The following TSC22D1 variants were observed in gnomAD, a reference collection of about 807,000 sequenced individuals.
The protein encoded by TSC22D1 is TSC22 domain family protein 1.
A neutral mutation model predicts 74.2 loss-of-function variants in TSC22D1; 9 were observed. That is an observed-to-expected ratio of 0.12 (90% CI 0.07 to 0.21). TSC22D1 has a LOEUF of 0.21. Among genes scored for constraint, TSC22D1 ranks in the 10% least tolerant of loss-of-function variants. The pLI is 1.00. For missense variants in TSC22D1, 1,427 were observed against 1,304.7 expected, an observed-to-expected ratio of 1.09 and a Z score of -1.44; for synonymous variants, 586 against 492.5, an observed-to-expected ratio of 1.19 and a Z score of -2.51.
chr13:44,435,012 G>A, intron 2 of TSC22D1, 129 bp from the exon 3 acceptor site: 2 of 750,022 alleles, frequency 2.7e-6, no homozygotes. Context: ...TTGGTTCAAT[G>A]ACACTTGGGG....
chr13:44,443,248 C>T (rs1344069413), intron 1 of TSC22D1, among the ~76,000 whole-genome samples: 1 of 151,734 alleles, frequency 6.6e-6, no homozygotes, highest in East Asian at 1.9e-4. Flanking sequence ...AGAATGATAG[C>T]CGACTTCTGG....
chr13:44,525,922 C>T (rs1265769223), intron 1 of TSC22D1, among the ~76,000 whole-genome samples: 3 of 151,718 alleles, frequency 2.0e-5, no homozygotes, highest in African/African-American at 7.3e-5. Flanking sequence ...GACAACATGG[C>T]AAAAACCCAT....
In TSC22D1 at chr13:44,575,383, T is replaced by C. The variant is rs556439227; in HGVS notation, c.692A>G (p.His231Arg). The change falls in exon 1 of 3, where the codon CAC becomes CGC. Residue 231 changes from histidine (H) to arginine (R), a missense_variant. Around this residue, in one of 3 missense-constraint regions of TSC22D1, gnomAD observed 1,343 missense variants for 1,191.5 expected, o/e 1.13. Coordinates refer to ENST00000458659, the MANE Select transcript of TSC22D1 (RefSeq NM_183422.4). ...HHHHQIHHGH[H>R]LQHGHHHPSH... ...TGGATGGTGGTGACCATGTTGGAGG[T>C]GGTGCCCATGATGAATCTGATGGTG... is the stretch of plus-strand genomic sequence containing the variant. The C allele has an allele frequency of 5.6e-6, 9 of 1,613,804 alleles. No individual in the cohort carries two copies. The South Asian group carries it at 7.7e-5, about 14-fold the overall frequency.
At chr13:44,506,384 A>T (rs1879449503) in intron 1 of TSC22D1, among the ~76,000 whole-genome samples, 1 of 152,212 alleles carries the variant, frequency 6.6e-6, no homozygotes, top group African/African-American at 2.4e-5. Context: ...ATGCAGGAAC[A>T]GAAAACCAAA....
chr13:44,557,572 T>C (rs1026031362), intron 1 of TSC22D1, among the ~76,000 whole-genome samples: 4 of 152,250 alleles, frequency 2.6e-5, no homozygotes, highest in African/African-American at 7.2e-5. Flanking sequence ...TCATTTTTTT[T>C]ATACTTCCCC....
intron 1 of TSC22D1, among the ~76,000 whole-genome samples, chr13:44,571,181 T>C (rs922909860): frequency 3.3e-5 from 5 of 152,222 alleles, no homozygotes; most frequent in African/African-American, 9.6e-5. Context: ...ATAATTATAA[T>C]TGAATGTGTA....
chr13:44,574,881 T>C lies in TSC22D1; in HGVS notation c.1194A>G (p.Gln398=). 1 of 1,614,210 alleles carries C rather than the reference T, an allele frequency of 6.2e-7. No individual in the cohort carries two copies. The highest frequency in any genetic ancestry group is 8.5e-7 in the Non-Finnish European group (1 of 1,180,034). Reference sequence around the variant, plus strand: ...ACCTCGAAGTGTTAACTGTTGGTTGTTGCTGCTGACTTGAAACCGATCCCC... The same window carrying C: ...ACCTCGAAGTGTTAACTGTTGGTTGCTGCTGCTGACTTGAAACCGATCCCC... The part of the protein sequence containing the change: ...MTGGSVSSQQ[Q]QPTVNTSRFR... The change falls in exon 1 of 3, where the codon CAA becomes CAG. Residue 398 remains glutamine, a synonymous_variant. Coordinates refer to ENST00000458659, the MANE Select transcript of TSC22D1 (RefSeq NM_183422.4).
chr13:44,434,841 C>T lies in TSC22D1; in HGVS notation c.3007G>A (p.Val1003Met). 1 of 1,614,022 alleles carries T rather than the reference C, an allele frequency of 6.2e-7. No individual in the cohort carries two copies. Among genetic ancestry groups the T allele is most frequent in the Non-Finnish European group, 8.5e-7 (1 of 1,180,018 alleles). ...TTGATTTGCTCTTTGAGGACCTCCA[C>T]TTCTTCTCTGACCGCATACATCAAA... ...SHLMYAVREE[V>M]EVLKEQIKEL... Residue 1003 changes from valine (V) to methionine (M), a missense_variant, in exon 3 of 3, where the codon GTG becomes ATG. By Grantham distance (21) the Val-to-Met change is conservative. Transcript: ENST00000458659.
chr13:44,551,308 GGGGTGT>G (rs1310152024), intron 1 of TSC22D1, among the ~76,000 whole-genome samples: 2 of 107,314 alleles, frequency 1.9e-5, no homozygotes, highest in African/African-American at 3.7e-5. Flanking sequence ...CAATCAGCTG[GGGGTGT>G]GTGTGTGTGT....
chr13:44,489,556 T>C (rs1407743320), intron 1 of TSC22D1, among the ~76,000 whole-genome samples: 1 of 151,446 alleles, frequency 6.6e-6, no homozygotes, highest in Admixed American at 6.6e-5. Flanking sequence ...CTGAGAACAC[T>C]GGCTCATGCC....
chr13:44,491,041 C>T (rs983928752), intron 1 of TSC22D1, among the ~76,000 whole-genome samples: 1 of 152,022 alleles, frequency 6.6e-6, no homozygotes, highest in Admixed American at 6.6e-5. Flanking sequence ...TGGCACATGC[C>T]TGTGGTCCCA....
chr13:44,435,179 G>C (rs1331124844), intron 2 of TSC22D1: 1 of 279,276 alleles, frequency 3.6e-6, no homozygotes. Flanking sequence ...CCCCGACTGA[G>C]ACCAGCAGCG....
intron 1 of TSC22D1, among the ~76,000 whole-genome samples, chr13:44,557,766 T>TA (rs1192463437): frequency 6.6e-6 from 1 of 152,288 alleles, no homozygotes; most frequent in Non-Finnish European, 1.5e-5. Flanking sequence ...ATTAAGCTTA[T>TA]AAAAAATATC....
At chr13:44,532,403 C>T (rs1024545009) in intron 1 of TSC22D1, among the ~76,000 whole-genome samples, 5 of 152,176 alleles carry the variant, frequency 3.3e-5, no homozygotes, top group African/African-American at 1.2e-4. Context: ...TAAGCCCAGG[C>T]AGAGCACATC....
intron 1 of TSC22D1, among the ~76,000 whole-genome samples, chr13:44,455,150 G>A (rs551008418): frequency 2.6e-5 from 4 of 152,284 alleles, no homozygotes; most frequent in South Asian, 4.1e-4. Context: ...CAGAAGCAGG[G>A]ATATGAAAGA....
At chr13:44,576,526 CA>C (rs1884265553), upstream of TSC22D1, 1 of 155,762 alleles carries the variant, frequency 6.4e-6, no homozygotes, top group Non-Finnish European at 1.4e-5. Flanking sequence ...TGCACGGAGG[CA>C]GCGCCAAGCA....
chr13:44,503,253 G>A (rs1002054894), intron 1 of TSC22D1, among the ~76,000 whole-genome samples: 2 of 152,076 alleles, frequency 1.3e-5, no homozygotes, highest in African/African-American at 4.8e-5. Context: ...TATAAAGGCT[G>A]CTATTTCAGC....
At position 44,509,879 on chromosome 13, in the gene TSC22D1, G is replaced by A. The variant is rs569564696; in HGVS notation, c.2912+63284C>T. Among the ~76,000 whole-genome samples, 3 of 127,690 alleles carry A rather than the reference G, an allele frequency of 2.3e-5. 1 individual carries two copies. The South Asian group carries it at 8.1e-4, about 35-fold the overall frequency. 83.8% of individuals were successfully genotyped at this position (127,690 alleles called of 152,430 possible). ...GTTGAAAGAAATATATTTTTAACATGTTTAGCTTCACTAATAAACTTACAT... is the reference window on the plus strand; with the variant it reads ...GTTGAAAGAAATATATTTTTAACATATTTAGCTTCACTAATAAACTTACAT... On this transcript the variant is annotated intron_variant, in intron 1 of 2. Coordinates refer to ENST00000458659, the MANE Select transcript of TSC22D1 (RefSeq NM_183422.4).
At chr13:44,570,713 T>C (rs773783628) in intron 1 of TSC22D1, among the ~76,000 whole-genome samples, 2 of 152,200 alleles carry the variant, frequency 1.3e-5, no homozygotes, top group Non-Finnish European at 2.9e-5. Flanking sequence ...TGTTAACACA[T>C]TTCCTGATTC....
Sources: gnomAD v4.1 joint callset for allele counts (sites outside exome capture counted in the v4.1 genomes callset) on GRCh38, gnomAD v4.1.1 for gene constraint, gnomAD v4.1.1 regional missense constraint, MANE v1.5 for transcripts, NCBI Gene and HGNC (gene_info 2026-07-23, HGNC 2026-07-21) for gene names.